The following CDK6 variants were observed in gnomAD, a reference collection of about 807,000 sequenced individuals.
The protein encoded by CDK6 is cyclin-dependent kinase 6.
Under a neutral mutation model 37.1 loss-of-function variants are expected in CDK6, and 6 were observed. The ratio of observed to expected loss-of-function variants is 0.16; its 90% CI spans 0.09 to 0.32. CDK6 has a LOEUF of 0.32. Ranked by LOEUF, CDK6 falls within the 10% of genes least tolerant of loss-of-function variation. The pLI, the probability that CDK6 is intolerant of heterozygous loss-of-function variation, is 1.00. For missense variants in CDK6, 224 were observed against 418.9 expected, an observed-to-expected ratio of 0.53 and a Z score of 4.06; for synonymous variants, 160 against 161.3, an observed-to-expected ratio of 0.99 and a Z score of 0.06.
At chr7:92,629,740 T>G (rs1004876639) in intron 5 of CDK6, among the ~76,000 whole-genome samples, 4 of 152,152 alleles carry the variant, frequency 2.6e-5, no homozygotes, top group Non-Finnish European at 5.9e-5. Context: ...CTACTCAGGC[T>G]GCAATAATGG....
At chr7:92,705,596 G>A (rs1797947825) in intron 4 of CDK6, among the ~76,000 whole-genome samples, 1 of 152,178 alleles carries the variant, frequency 6.6e-6, no homozygotes, top group Admixed American at 6.5e-5. Flanking sequence ...TCCAAAGAAA[G>A]GTGGATCCCA....
chr7:92,704,467 C>T (rs1797925061), intron 4 of CDK6, among the ~76,000 whole-genome samples: 1 of 152,138 alleles, frequency 6.6e-6, no homozygotes, highest in Admixed American at 6.5e-5. Context: ...TCTCTTTACC[C>T]CCACAGGCAA....
At chr7:92,658,183 G>A (rs955195841) in intron 5 of CDK6, among the ~76,000 whole-genome samples, 97 of 152,170 alleles carry the variant, frequency 6.4e-4, no homozygotes, top group African/African-American at 2.1e-3. Context: ...CTTTTTGCAG[G>A]GTAATTTGGT....
rs796389236 is a variant in CDK6 at position 92,616,538 on chromosome 7, TA to T, written c.835-1253del. 1.2e-4 allele frequency among the ~76,000 whole-genome samples: 19 copies of T among 152,312 alleles called. 1 individual carries two copies. The highest frequency in any genetic ancestry group is 3.8e-4 in the African/African-American group (16 of 41,580). On this transcript the variant is annotated intron_variant, in intron 7 of 7. Coordinates refer to ENST00000424848, the MANE Select transcript of CDK6 (RefSeq NM_001145306.2). ...TCTGTAGAAAGGTTCCAACTGTCTC[TA>T]ACAGCAAGAAACATCTCTAGAAAAG... is the stretch of plus-strand genomic sequence containing the variant.
In CDK6 at chr7:92,610,774, A is replaced by G. The variant is rs186456710; in HGVS notation, c.*4366T>C. 451 of 227,976 alleles carry G rather than the reference A, an allele frequency of 2.0e-3. 3 individuals carry two copies. The highest frequency in any genetic ancestry group is 9.1e-3 in the African/African-American group (410 of 45,210). The allele number at this position is 227,976 out of a possible 1,614,324, so 14.1% of individuals were successfully genotyped here. On this transcript the variant is annotated 3_prime_UTR_variant, in exon 8 of 8. Transcript: ENST00000424848. ...CATGTAAATATCTTCCTAATTATAT[A>G]CCCAAATATACTTAATGGACATGAT... is the stretch of plus-strand genomic sequence containing the variant.
intron 4 of CDK6, among the ~76,000 whole-genome samples, chr7:92,723,689 G>A (rs1798419689): frequency 6.6e-6 from 1 of 151,800 alleles, no homozygotes; most frequent in Non-Finnish European, 1.5e-5. Context: ...TCTGATTTTT[G>A]TTTTAGAATC....
intron 3 of CDK6, among the ~76,000 whole-genome samples, chr7:92,730,032 C>T (rs1195371760): frequency 6.6e-6 from 1 of 152,256 alleles, no homozygotes; most frequent in South Asian, 2.1e-4. Flanking sequence ...GTGTGAGCCA[C>T]TGCACCTGGC....
At chr7:92,632,028 C>T (rs1796064629) in intron 5 of CDK6, among the ~76,000 whole-genome samples, 1 of 152,066 alleles carries the variant, frequency 6.6e-6, no homozygotes, top group African/African-American at 2.4e-5. Flanking sequence ...CTCAAAACTA[C>T]TTCTTACTTT....
chr7:92,670,668 T>C (rs1475122679), intron 5 of CDK6, among the ~76,000 whole-genome samples: 7 of 152,210 alleles, frequency 4.6e-5, no homozygotes, highest in African/African-American at 1.7e-4. Context: ...TCACATGCTC[T>C]CTTAGAGGGA....
At position 92,742,742 on chromosome 7, in the gene CDK6, T is replaced by TACACACAC. The variant is rs57808535; in HGVS notation, c.370-16957_370-16950dup. On this transcript the variant is annotated intron_variant, in intron 3 of 7. Transcript: ENST00000424848. ...TGTATAAAATGTATACATATATATA[T>TACACACAC]ACACACACACACACACACCCCTTTT... 4.6e-5 allele frequency among the ~76,000 whole-genome samples: 7 copies of TACACACAC among 150,574 alleles called. No individual in the cohort carries two copies. In the East Asian group the frequency reaches 1.4e-3, roughly 29 times the overall value.
intron 4 of CDK6, among the ~76,000 whole-genome samples, chr7:92,690,998 G>A (rs1399484439): frequency 6.6e-6 from 1 of 152,090 alleles, no homozygotes; most frequent in Admixed American, 6.5e-5. Flanking sequence ...TTCAGGTAGT[G>A]GCTTTTCTGA....
rs145624036 is a variant in CDK6, at chr7:92,800,376, T to G, written c.234-25545A>C. On this transcript the variant is annotated intron_variant, in intron 2 of 7. Coordinates refer to ENST00000424848, the MANE Select transcript of CDK6 (RefSeq NM_001145306.2). ...CATCTCCATGTATACGATGTGTCTG[T>G]TTCTTTTCACATCGTTCTTCTCTTG... Among the ~76,000 whole-genome samples, 703 of 152,360 alleles carry G rather than the reference T, an allele frequency of 4.6e-3. 6 individuals carry two copies. Among genetic ancestry groups the G allele is most frequent in the African/African-American group, 0.015 (638 of 41,582 alleles).
intron 4 of CDK6, among the ~76,000 whole-genome samples, chr7:92,684,497 C>G (rs1797405040): frequency 6.6e-6 from 1 of 151,900 alleles, no homozygotes; most frequent in Non-Finnish European, 1.5e-5. Context: ...GTTTGCCTAC[C>G]CACAATGTTC....
rs574291113 is a variant in CDK6 at position 92,611,378 on chromosome 7, T to C, written c.*3762A>G. 4.8e-5 allele frequency: 11 copies of C among 227,912 alleles called. No individual in the cohort carries two copies. Among genetic ancestry groups the C allele is most frequent in the Admixed American group, 1.1e-4 (2 of 17,630 alleles). 14.1% of individuals were successfully genotyped at this position (227,912 alleles called of 1,614,324 possible). A position where few individuals can be genotyped will look rare whatever the true frequency, so the allele number is the denominator to read the frequency against. On this transcript the variant is annotated 3_prime_UTR_variant, in exon 8 of 8. Transcript: ENST00000424848. Reference sequence around the variant, plus strand: ...CATTATTTTTTCCTAGACTCAACTATGCAATTAAAGCCTGCTTTTGGAAAA... The same window carrying C: ...CATTATTTTTTCCTAGACTCAACTACGCAATTAAAGCCTGCTTTTGGAAAA...
At chr7:92,741,870 C>T (rs960925097) in intron 3 of CDK6, among the ~76,000 whole-genome samples, 3 of 152,032 alleles carry the variant, frequency 2.0e-5, no homozygotes, top group East Asian at 1.9e-4. Context: ...TATAGCTACT[C>T]GAAGATAGTA....
At chr7:92,712,222 A>G (rs760687735) in intron 4 of CDK6, among the ~76,000 whole-genome samples, 4 of 152,040 alleles carry the variant, frequency 2.6e-5, no homozygotes, top group Non-Finnish European at 5.9e-5. Context: ...AAATGCTACA[A>G]AGGGAATGTG....
chr7:92,806,878 C>T (rs945084421), intron 2 of CDK6, among the ~76,000 whole-genome samples: 1 of 152,072 alleles, frequency 6.6e-6, no homozygotes, highest in African/African-American at 2.4e-5. Context: ...AGACCATAAG[C>T]TAGATGAATG....
intron 4 of CDK6, among the ~76,000 whole-genome samples, chr7:92,685,620 A>C (rs1315479170): frequency 6.6e-6 from 1 of 152,194 alleles, no homozygotes; most frequent in African/African-American, 2.4e-5. Flanking sequence ...ATTTTGCACT[A>C]AACTCCTGCA....
At position 92,679,969 on chromosome 7, in the gene CDK6, T is replaced by C. The variant is rs148342643; in HGVS notation, c.538-8434A>G. On this transcript the variant is annotated intron_variant, in intron 4 of 7. Transcript: ENST00000424848. ...CCTGACCTCAAGTGATCCGCCCTCCTTGGCCTCCTAAAGTGCTGGGATTAC... is the reference window on the plus strand; with the variant it reads ...CCTGACCTCAAGTGATCCGCCCTCCCTGGCCTCCTAAAGTGCTGGGATTAC... Among the ~76,000 whole-genome samples, 305 of 151,834 alleles carry C rather than the reference T, an allele frequency of 2.0e-3. 2 individuals are homozygous for C. Among genetic ancestry groups the C allele is most frequent in the African/African-American group, 6.9e-3 (286 of 41,462 alleles).
Sources: gnomAD v4.1 joint callset for allele counts (sites outside exome capture counted in the v4.1 genomes callset) on GRCh38, gnomAD v4.1.1 for gene constraint, MANE v1.5 for transcripts, NCBI Gene and HGNC (gene_info 2026-07-23, HGNC 2026-07-21) for gene names.